Variants in MYO7B observed in about 807,000 individuals in gnomAD.
MYO7B encodes the protein myosin VIIB, also known as unconventional myosin-VIIb.
Under a neutral mutation model 259.7 loss-of-function variants are expected in MYO7B, and 212 were observed. That is an observed-to-expected ratio of 0.82 (90% CI 0.73 to 0.91). The LOEUF (loss-of-function observed/expected upper bound fraction) is 0.91, where lower values mean the gene tolerates loss of function less well. MYO7B is among the 40% of genes least tolerant of loss of function. The pLI is 0.00. For synonymous variants in MYO7B, 1,197 were observed against 1,166.4 expected (o/e 1.03, Z -0.54); for missense variants, 2,732 against 2,813.5 (o/e 0.97, Z 0.66).
rs1457335328 is a variant in MYO7B, at chr2:127,584,139, T to A, written c.1361T>A (p.Ile454Asn). The change falls in exon 13 of 48, where the codon ATC becomes AAC. Residue 454 changes from isoleucine to asparagine, a missense_variant. Transcript: ENST00000409816. This position sits in a 1 kb window ranked among gnomAD's most constrained non-coding sequence, Gnocchi z 5.8. ...CTCCACAGCTTCGAGCAGCTCTGCA[T>A]CAACTTCGCCAACGAGCACCTGCAG... Reference protein sequence around the residue: ...FENNSFEQLCINFANEHLQQF... With the variant: ...FENNSFEQLCNNFANEHLQQF... The A allele has an allele frequency of 6.2e-7, 1 of 1,613,432 alleles. No individual in the cohort carries two copies. The highest frequency in any genetic ancestry group is 8.5e-7 in the Non-Finnish European group (1 of 1,179,662).
chr2:127,588,536 C>G lies in MYO7B; in HGVS notation c.1835C>G (p.Ala612Gly). ...LGHGTIRQAK[A>G]GNHLFKSADS... ...CATGGGACCATCCGCCAGGCAAAGGCAGGAAACCATCTCTTCAAGGTGGGC... is the reference window on the plus strand; with the variant it reads ...CATGGGACCATCCGCCAGGCAAAGGGAGGAAACCATCTCTTCAAGGTGGGC... Residue 612 changes from alanine (A) to glycine (G), a missense_variant, in exon 15 of 48, where the codon GCA becomes GGA. Around this residue, in one of 3 missense-constraint regions of MYO7B, gnomAD observed 1,906 missense variants for 2,026.4 expected, o/e 0.94. Transcript: ENST00000409816. 1 of 1,613,248 alleles carries G rather than the reference C, an allele frequency of 6.2e-7. No individual in the cohort carries two copies. Among genetic ancestry groups the G allele is most frequent in the Non-Finnish European group, 8.5e-7 (1 of 1,179,860 alleles).
intron 5 of MYO7B, 141 bp from the exon 6 acceptor site, chr2:127,569,648 G>A (rs2104886782): frequency 1.8e-6 from 2 of 1,089,524 alleles, no homozygotes; most frequent in Non-Finnish European, 2.6e-6. Flanking sequence ...CAGGGCTTCA[G>A]TGCAGTGGGA....
intron 1 of MYO7B, among the ~76,000 whole-genome samples, chr2:127,555,921 C>A (rs1159037237): frequency 6.6e-6 from 1 of 152,116 alleles, no homozygotes; most frequent in East Asian, 1.9e-4. Flanking sequence ...CCATTCATTC[C>A]AGGGTATAGT....
intron 19 of MYO7B, among the ~76,000 whole-genome samples, chr2:127,598,582 T>A: frequency 6.6e-6 from 1 of 152,268 alleles, no homozygotes; most frequent in East Asian, 1.9e-4. Context: ...AAGTTTTTAA[T>A]CTTCGTAAAG....
At chr2:127,554,824 C>T (rs1415664660) in intron 1 of MYO7B, among the ~76,000 whole-genome samples, 1 of 151,966 alleles carries the variant, frequency 6.6e-6, no homozygotes, top group African/African-American at 2.4e-5. Context: ...GTGTATTTTT[C>T]CAGGAATTCA....
intron 1 of MYO7B, among the ~76,000 whole-genome samples, chr2:127,553,260 A>G (rs35282060): frequency 2.0e-5 from 3 of 152,152 alleles, no homozygotes; most frequent in Admixed American, 6.5e-5. Flanking sequence ...TTGGTTCCAT[A>G]TGAATTTTAG....
At chr2:127,578,327 G>A (rs1558812021) in intron 9 of MYO7B, 41 bp downstream of exon 9, 2 of 1,611,276 alleles carry the variant, frequency 1.2e-6, no homozygotes, top group Non-Finnish European at 1.7e-6. Flanking sequence ...TGGGGAGGGA[G>A]AGGGAAGGGG....
At chr2:127,631,111 G>T in intron 36 of MYO7B, 95 bp from the exon 37 acceptor site, 1 of 1,449,858 alleles carries the variant, frequency 6.9e-7, no homozygotes, top group Non-Finnish European at 9.2e-7. Flanking sequence ...GGGTGCTCTG[G>T]CCCTCCCACA....
intron 6 of MYO7B, among the ~76,000 whole-genome samples, chr2:127,572,578 CTCCT>C (rs375015690): frequency 4.9e-5 from 6 of 122,252 alleles, no homozygotes; most frequent in Middle Eastern, 4.6e-3. Flanking sequence ...CTTTCTTTTT[CTCCT>C]TCCTTCCTTT....
At chr2:127,579,654 C>A (rs1240542139) in intron 9 of MYO7B, among the ~76,000 whole-genome samples, 1 of 152,124 alleles carries the variant, frequency 6.6e-6, no homozygotes, top group South Asian at 2.1e-4. Context: ...GGTGGGATCT[C>A]GACTCACTGC....
Position 127,592,815 on chromosome 2 carries a change from C to T in MYO7B, c.2014C>T (p.Leu672=). ...ACAGCTGTTCGACCGGGAGCTGTGC[C>T]TGCGGCAGCTGCGATACTCGGGCAT... is the stretch of plus-strand genomic sequence containing the variant. ...KPLLFDRELC[L]RQLRYSGMME... Residue 672 remains leucine, a synonymous_variant, in exon 17 of 48, where the codon CTG becomes TTG. Transcript: ENST00000409816. 1 of 1,609,660 alleles carries T rather than the reference C, an allele frequency of 6.2e-7. No homozygotes were observed. The highest frequency in any genetic ancestry group is 8.5e-7 in the Non-Finnish European group (1 of 1,178,830).
Position 127,630,893 on chromosome 2 carries a change from C to G in MYO7B, c.4922C>G (p.Ser1641Cys). 1 of 1,587,258 alleles carries G rather than the reference C, an allele frequency of 6.3e-7. No individual in the cohort carries two copies. Among genetic ancestry groups the G allele is most frequent in the Non-Finnish European group, 8.6e-7 (1 of 1,166,924 alleles). The change falls in exon 36 of 48, where the codon TCC becomes TGC. Residue 1641 changes from serine to cysteine, a missense_variant. Transcript: ENST00000409816. ...KEKLHTLEEF[S>C]YEFFRAPEKD... ...AAGCTGCACACCCTGGAGGAGTTCT[C>G]CTATGAGTTCTTCAGGTGCCCCCCA... is the stretch of plus-strand genomic sequence containing the variant.
chr2:127,633,270 G>GAAGCAGCCCCCGC lies in MYO7B; in HGVS notation c.5420_5432dup (p.His1811GlnfsTer28). On this transcript the variant is annotated frameshift_variant, in exon 40 of 48. Transcript: ENST00000409816. LOFTEE classifies it high-confidence loss of function. ...CTGTCCCCCTCAGGACGGGGCCCCG[G>GAAGCAGCCCCCGC]AAGCAGCCCCCGCACCAGGTGGAGG... 5 of 1,611,138 alleles carry GAAGCAGCCCCCGC rather than the reference G, an allele frequency of 3.1e-6. No individual in the cohort carries two copies. Among genetic ancestry groups the GAAGCAGCCCCCGC allele is most frequent in the Non-Finnish European group, 4.2e-6 (5 of 1,179,260 alleles).
At chr2:127,537,034 A>G (rs1314667644) in intron 1 of MYO7B, among the ~76,000 whole-genome samples, 1 of 152,210 alleles carries the variant, frequency 6.6e-6, no homozygotes, top group Admixed American at 6.5e-5. Context: ...ATTATAAAAA[A>G]TTTATCTTAA....
In MYO7B at chr2:127,636,919, C is replaced by G. The variant is rs1681859645; in HGVS notation, c.6327+6C>G. 3 of 1,610,700 alleles carry G rather than the reference C, an allele frequency of 1.9e-6. No individual in the cohort carries two copies. Among genetic ancestry groups the G allele is most frequent in the Non-Finnish European group, 2.5e-6 (3 of 1,179,854 alleles). On this transcript the variant is annotated splice_donor_region_variant and intron_variant, in intron 47 of 47. Transcript: ENST00000409816. The surrounding 1 kb of genome is among the most constrained non-coding windows in gnomAD (Gnocchi z 4.5). ...TGCTGTGCGAGACCTCCCTGGTGAG[C>G]TCAGGTTCTTTCTCCCATCCAAGAT...
intron 2 of MYO7B, among the ~76,000 whole-genome samples, chr2:127,563,162 C>T (rs1678177490): frequency 6.6e-6 from 1 of 152,158 alleles, no homozygotes. Flanking sequence ...ACTCTTTGGT[C>T]AGTTTTTGTA....
In MYO7B at chr2:127,590,616, A is replaced by T. The variant is rs4662584; in HGVS notation, c.1992+387A>T. On this transcript the variant is annotated intron_variant, in intron 16 of 47. Transcript: ENST00000409816. The surrounding 1 kb of genome is among the most constrained non-coding windows in gnomAD (Gnocchi z 4.6). The stretch of plus-strand genomic sequence containing the variant: ...TGTAAACCACACTCAACAAAGGCAG[A>T]AATCAGTAATAGGACTTTAGAGGCT... Among the ~76,000 whole-genome samples, 3 of 152,244 alleles carry T rather than the reference A, an allele frequency of 2.0e-5. No individual in the cohort carries two copies. The highest frequency in any genetic ancestry group is 2.1e-4 in the South Asian group (1 of 4,830).
At chr2:127,633,131 C>A in intron 39 of MYO7B, 127 bp from the exon 40 acceptor site, 1 of 710,730 alleles carries the variant, frequency 1.4e-6, no homozygotes. Context: ...GGGCTGGAAC[C>A]ACCCCAGTGA....
chr2:127,568,485 A>T (rs1192967749), intron 5 of MYO7B, among the ~76,000 whole-genome samples: 3 of 152,180 alleles, frequency 2.0e-5, no homozygotes, highest in Admixed American at 6.5e-5. Flanking sequence ...TGTTTATAAA[A>T]ACGCCTGGCG....
Sources: allele counts gnomAD v4.1 joint callset (sites outside exome capture counted in the v4.1 genomes callset), GRCh38; gene constraint gnomAD v4.1.1; regional missense constraint gnomAD v4.1.1; non-coding constraint Gnocchi (gnomAD v3.1); transcripts MANE v1.5; gene names NCBI Gene and HGNC (gene_info 2026-07-23, HGNC 2026-07-21).